The following PTPRM variants were observed in gnomAD, a reference collection of about 807,000 sequenced individuals.
PTPRM encodes the protein protein tyrosine phosphatase receptor type M, also known as receptor-type tyrosine-protein phosphatase mu.
Under a neutral mutation model 186.7 loss-of-function variants are expected in PTPRM, and 47 were observed. That is an observed-to-expected ratio of 0.25 (90% confidence interval 0.20 to 0.32). PTPRM has a LOEUF of 0.32. PTPRM is among the 10% of genes least tolerant of loss of function. PTPRM has a pLI of 1.00. For synonymous variants in PTPRM, 668 were observed against 674.9 expected (o/e 0.99, Z 0.16); for missense variants, 1,494 against 1,865.0 (o/e 0.80, Z 3.66).
At chr18:8,032,684 G>A (rs1187961845) in intron 7 of PTPRM, among the ~76,000 whole-genome samples, 1 of 152,070 alleles carries the variant, frequency 6.6e-6, no homozygotes, top group Non-Finnish European at 1.5e-5. Context: ...ATTCAGGAGA[G>A]GATGATTTGC....
intron 10 of PTPRM, among the ~76,000 whole-genome samples, chr18:8,087,848 C>G (rs1212687251): frequency 6.6e-6 from 1 of 152,144 alleles, no homozygotes; most frequent in East Asian, 1.9e-4. Flanking sequence ...TCAGGAGTCT[C>G]TACCAGTGGG....
intron 1 of PTPRM, among the ~76,000 whole-genome samples, chr18:7,584,297 T>C (rs1488977769): frequency 3.9e-5 from 6 of 152,174 alleles, no homozygotes; most frequent in Admixed American, 6.5e-5. Context: ...TGCAAGTTTG[T>C]AAGTAAGTAC....
At chr18:8,302,217 G>A (rs1487703102) in intron 20 of PTPRM, among the ~76,000 whole-genome samples, 2 of 152,208 alleles carry the variant, frequency 1.3e-5, no homozygotes, top group Non-Finnish European at 2.9e-5. Context: ...GTATGGGAAG[G>A]CCTCCCTGAG....
chr18:7,749,746 A>G (rs1252325228), intron 1 of PTPRM, among the ~76,000 whole-genome samples: 1 of 152,236 alleles, frequency 6.6e-6, no homozygotes, highest in Non-Finnish European at 1.5e-5. Flanking sequence ...CTTGTGGTTT[A>G]TAAAGTGTAG....
chr18:7,608,634 A>C (rs1343942203), intron 1 of PTPRM, among the ~76,000 whole-genome samples: 5 of 151,988 alleles, frequency 3.3e-5, no homozygotes, highest in Non-Finnish European at 7.4e-5. Flanking sequence ...TTTTTCATTT[A>C]ACCCCTTGAG....
rs1234674144 is a variant in PTPRM, at chr18:8,037,187, C to T, written c.1133-32499C>T. Among the ~76,000 whole-genome samples, 5 of 152,268 alleles carry T rather than the reference C, an allele frequency of 3.3e-5. No individual in the cohort carries two copies. The East Asian group carries it at 9.7e-4, about 29-fold the overall frequency. On this transcript the variant is annotated intron_variant, in intron 7 of 32. Transcript: ENST00000580170. Reference sequence around the variant, plus strand: ...CTCAGACTAAAGGTTTCTTCAAAATCCCTGTGCTTTTTCTTATAGTAGCTT... The same window carrying T: ...CTCAGACTAAAGGTTTCTTCAAAATTCCTGTGCTTTTTCTTATAGTAGCTT...
At chr18:8,142,795 G>C (rs1015821121) in intron 13 of PTPRM, among the ~76,000 whole-genome samples, 10 of 152,152 alleles carry the variant, frequency 6.6e-5, no homozygotes. Context: ...TTTTACAAAG[G>C]AGTCTTTTTA....
intron 7 of PTPRM, among the ~76,000 whole-genome samples, chr18:8,008,864 G>A (rs1481525143): frequency 6.6e-6 from 1 of 152,196 alleles, no homozygotes; most frequent in Non-Finnish European, 1.5e-5. Flanking sequence ...CAAGAGCTGA[G>A]TCTTGACCAT....
intron 1 of PTPRM, among the ~76,000 whole-genome samples, chr18:7,730,163 A>G (rs1242041954): frequency 6.6e-6 from 1 of 152,200 alleles, no homozygotes; most frequent in East Asian, 1.9e-4. Flanking sequence ...AATGCATGAT[A>G]ACTTTAACAA....
At chr18:8,070,073 C>A in intron 8 of PTPRM, 79 bp downstream of exon 8, 2 of 1,298,366 alleles carry the variant, frequency 1.5e-6, no homozygotes, top group South Asian at 1.5e-5. Flanking sequence ...CTTTGCTGTG[C>A]AGATGGAAGA....
intron 22 of PTPRM, among the ~76,000 whole-genome samples, chr18:8,323,366 A>G (rs146989318): frequency 9.9e-5 from 15 of 152,254 alleles, no homozygotes; most frequent in African/African-American, 3.6e-4. Flanking sequence ...CTCACCCCCC[A>G]AAACCATATG....
intron 7 of PTPRM, among the ~76,000 whole-genome samples, chr18:7,985,032 T>C (rs1320960378): frequency 8.0e-6 from 1 of 124,890 alleles, no homozygotes; most frequent in Non-Finnish European, 1.6e-5. Flanking sequence ...TATACATATA[T>C]AAATATATAC....
At chr18:8,293,872 A>G (rs558805549) in intron 19 of PTPRM, among the ~76,000 whole-genome samples, 1 of 152,312 alleles carries the variant, frequency 6.6e-6, no homozygotes, top group South Asian at 2.1e-4. Context: ...TTAATTTATT[A>G]ATAACCTGAA....
intron 1 of PTPRM, among the ~76,000 whole-genome samples, chr18:7,598,428 T>C (rs1248017522): frequency 7.9e-5 from 12 of 152,216 alleles, no homozygotes; most frequent in Admixed American, 7.8e-4. Flanking sequence ...TTCATTAAAC[T>C]CTACTGAGCA....
intron 1 of PTPRM, among the ~76,000 whole-genome samples, chr18:7,773,337 G>A (rs1465285048): frequency 6.6e-6 from 1 of 151,958 alleles, no homozygotes; most frequent in East Asian, 1.9e-4. Context: ...GCTGTACCAT[G>A]GTTTGTACTG....
intron 23 of PTPRM, among the ~76,000 whole-genome samples, chr18:8,362,799 G>A (rs1198142788): frequency 6.6e-6 from 1 of 152,158 alleles, no homozygotes; most frequent in Non-Finnish European, 1.5e-5. Context: ...TGCTTTACAA[G>A]GAAAAGAATT....
chr18:8,217,205 C>T (rs1383732109), intron 14 of PTPRM, among the ~76,000 whole-genome samples: 11 of 152,150 alleles, frequency 7.2e-5, no homozygotes, highest in African/African-American at 1.2e-4. Context: ...GCAGAGAGTA[C>T]GCATCCTCCT....
At chr18:7,893,701 T>C (rs2049195298) in intron 3 of PTPRM, among the ~76,000 whole-genome samples, 1 of 152,222 alleles carries the variant, frequency 6.6e-6, no homozygotes, top group African/African-American at 2.4e-5. Context: ...CACTTCCTTA[T>C]TATTTCCCCT....
intron 1 of PTPRM, among the ~76,000 whole-genome samples, chr18:7,615,036 C>T (rs1193633940): frequency 1.3e-5 from 2 of 152,046 alleles, no homozygotes; most frequent in Non-Finnish European, 2.9e-5. Context: ...TACCGAGTGG[C>T]TTTTTTCTGT....
Sources: allele counts gnomAD v4.1 joint callset (sites outside exome capture counted in the v4.1 genomes callset), GRCh38; gene constraint gnomAD v4.1.1; transcripts MANE v1.5; gene names NCBI Gene and HGNC (gene_info 2026-07-23, HGNC 2026-07-21).